The following ZFAND3 variants were observed in gnomAD, a reference collection of about 807,000 sequenced individuals.
ZFAND3 encodes AN1-type zinc finger protein 3.
ZFAND3 carries 10 observed loss-of-function variants against 29.6 expected under a neutral mutation model. That is an observed-to-expected ratio of 0.34 (90% CI 0.21 to 0.57). ZFAND3 has a LOEUF of 0.57. Ranked by LOEUF, ZFAND3 falls within the 20% of genes least tolerant of loss-of-function variation. ZFAND3 has a pLI of 0.86. For synonymous variants in ZFAND3, 128 were observed against 112.6 expected, an observed-to-expected ratio of 1.14 and a Z score of -0.87; for missense variants, 230 against 304.5, an observed-to-expected ratio of 0.76 and a Z score of 1.82.
chr6:37,876,354 C>A (rs1764792580), intron 1 of ZFAND3, among the ~76,000 whole-genome samples: 1 of 152,108 alleles, frequency 6.6e-6, no homozygotes, highest in Non-Finnish European at 1.5e-5. Context: ...ACTGGTAGCT[C>A]CTGAAAAGGT....
At chr6:37,950,860 T>C (rs906001720) in intron 2 of ZFAND3, among the ~76,000 whole-genome samples, 1 of 152,230 alleles carries the variant, frequency 6.6e-6, no homozygotes, top group Non-Finnish European at 1.5e-5. Flanking sequence ...GGCTCTTTTT[T>C]GGTTCCATAT....
intron 1 of ZFAND3, among the ~76,000 whole-genome samples, chr6:37,834,972 T>G (rs1351782163): frequency 6.6e-6 from 1 of 152,168 alleles, no homozygotes; most frequent in Non-Finnish European, 1.5e-5. Context: ...CTGTTGATGG[T>G]CACTTTCATT....
At chr6:37,999,515 T>C (rs1317248045) in intron 2 of ZFAND3, among the ~76,000 whole-genome samples, 1 of 152,152 alleles carries the variant, frequency 6.6e-6, no homozygotes, top group East Asian at 1.9e-4. Context: ...ACATCAGCAG[T>C]GATAATTCAT....
intron 4 of ZFAND3, among the ~76,000 whole-genome samples, chr6:38,105,845 A>G (rs1765197148): frequency 6.6e-6 from 1 of 152,242 alleles, no homozygotes; most frequent in African/African-American, 2.4e-5. Context: ...ATTGGCAGTG[A>G]AAGCCATGTG....
At chr6:37,830,044 C>T (rs574566031) in intron 1 of ZFAND3, among the ~76,000 whole-genome samples, 6 of 152,266 alleles carry the variant, frequency 3.9e-5, no homozygotes, top group Admixed American at 1.3e-4. Context: ...AGTTGAAAGC[C>T]ACCAAATTTA....
chr6:38,041,656 T>TTCC (rs1435099465), intron 2 of ZFAND3, among the ~76,000 whole-genome samples: 4 of 46,002 alleles, frequency 8.7e-5, no homozygotes, highest in Admixed American at 6.7e-4. Flanking sequence ...CTTCTTCTTC[T>TTCC]TCTTCTTCTT....
chr6:38,074,368 A>G (rs932319815), intron 3 of ZFAND3, among the ~76,000 whole-genome samples: 1 of 152,216 alleles, frequency 6.6e-6, no homozygotes, highest in African/African-American at 2.4e-5. Flanking sequence ...TTTAAATGAA[A>G]ACATTTTTGT....
At chr6:37,921,205 C>G (rs1368151852) in intron 1 of ZFAND3, among the ~76,000 whole-genome samples, 1 of 152,092 alleles carries the variant, frequency 6.6e-6, no homozygotes, top group Non-Finnish European at 1.5e-5. Flanking sequence ...TGTGTTTTTA[C>G]AGACTAGTTT....
chr6:38,056,420 C>T lies in ZFAND3; in HGVS notation c.113-5173C>T, dbSNP rs919983390. Among the ~76,000 whole-genome samples the T allele has an allele frequency of 2.7e-4, 41 of 152,152 alleles. 1 individual carries two copies. Among genetic ancestry groups the T allele is most frequent in the African/African-American group, 6.3e-4 (26 of 41,434 alleles). On this transcript the variant is annotated intron_variant, in intron 2 of 5. Coordinates refer to ENST00000287218, the MANE Select transcript of ZFAND3 (RefSeq NM_021943.3). ...ATTTTGAAGAAATCATTCTGAAAGACGTATTATTGTAATAATCTAGAAGTG... is the reference window on the plus strand; with the variant it reads ...ATTTTGAAGAAATCATTCTGAAAGATGTATTATTGTAATAATCTAGAAGTG...
intron 1 of ZFAND3, among the ~76,000 whole-genome samples, chr6:37,905,528 T>C (rs1174869455): frequency 6.6e-6 from 1 of 152,126 alleles, no homozygotes; most frequent in African/African-American, 2.4e-5. Context: ...CTAACATGTG[T>C]CATACTAAAG....
intron 1 of ZFAND3, among the ~76,000 whole-genome samples, chr6:37,873,108 AACC>A (rs1434030614): frequency 6.6e-6 from 1 of 152,094 alleles, no homozygotes; most frequent in Non-Finnish European, 1.5e-5. Context: ...AAACAAAAAA[AACC>A]CCCCAAAAAA....
At chr6:38,145,160 A>ACCCCTTACAGTAGCCATT (rs1766077797) in intron 5 of ZFAND3, among the ~76,000 whole-genome samples, 1 of 151,914 alleles carries the variant, frequency 6.6e-6, no homozygotes, top group African/African-American at 2.4e-5. Flanking sequence ...ACCTCTCCAG[A>ACCCCTTACAGTAGCCATT]CCCCTTACAG....
intron 2 of ZFAND3, among the ~76,000 whole-genome samples, chr6:37,978,947 A>G (rs1762534503): frequency 6.6e-6 from 1 of 151,582 alleles, no homozygotes; most frequent in East Asian, 1.9e-4. Context: ...TGATACTGAT[A>G]ATTTGTGTCT....
intron 2 of ZFAND3, among the ~76,000 whole-genome samples, chr6:38,021,481 G>T (rs1203909822): frequency 1.3e-5 from 2 of 152,124 alleles, no homozygotes; most frequent in Admixed American, 6.5e-5. Flanking sequence ...CCCAGGACTA[G>T]AATTTTTCAT....
At chr6:37,870,314 A>T (rs1764669520) in intron 1 of ZFAND3, among the ~76,000 whole-genome samples, 1 of 150,546 alleles carries the variant, frequency 6.6e-6, no homozygotes, top group South Asian at 2.1e-4. Flanking sequence ...AAAAAAAAAA[A>T]AAAAAGGGCG....
At chr6:38,116,508 T>C in intron 4 of ZFAND3, 64 bp from the exon 5 acceptor site, 1 of 1,532,214 alleles carries the variant, frequency 6.5e-7, no homozygotes, top group Non-Finnish European at 8.9e-7. Context: ...TGGAAATACA[T>C]TAATCAACTG....
intron 4 of ZFAND3, among the ~76,000 whole-genome samples, chr6:38,100,678 G>C (rs1253009964): frequency 6.6e-6 from 1 of 152,130 alleles, no homozygotes; most frequent in African/African-American, 2.4e-5. Context: ...AATTCAGTAG[G>C]CACTCCAGCC....
At position 37,890,792 on chromosome 6, in the gene ZFAND3, A is replaced by G. The variant is rs185383781; in HGVS notation, c.72-39167A>G. Among the ~76,000 whole-genome samples, 400 of 152,328 alleles carry G rather than the reference A, an allele frequency of 2.6e-3. 1 individual carries two copies. Among genetic ancestry groups the G allele is most frequent in the Non-Finnish European group, 5.1e-3 (344 of 68,020 alleles). On this transcript the variant is annotated intron_variant, in intron 1 of 5. Coordinates refer to ENST00000287218, the MANE Select transcript of ZFAND3 (RefSeq NM_021943.3). ...GATAATCTGAGATTTGAATATCAAC[A>G]TATAGAACAGCAGTAGTTATTCTAA...
At chr6:37,981,209 G>T (rs1199578623) in intron 2 of ZFAND3, among the ~76,000 whole-genome samples, 1 of 152,184 alleles carries the variant, frequency 6.6e-6, no homozygotes, top group Non-Finnish European at 1.5e-5. Context: ...GGCTGACTTA[G>T]GATGGTATTT....
Sources: gnomAD v4.1 joint callset for allele counts (sites outside exome capture counted in the v4.1 genomes callset) on GRCh38, gnomAD v4.1.1 for gene constraint, MANE v1.5 for transcripts, NCBI Gene and HGNC (gene_info 2026-07-23, HGNC 2026-07-21) for gene names.